The following UGGT2 variants were observed in gnomAD, a reference collection of about 807,000 sequenced individuals.
The protein encoded by UGGT2 is UDP-glucose:glycoprotein glucosyltransferase 2.
Under a neutral mutation model 192.1 loss-of-function variants are expected in UGGT2, and 180 were observed. That is an observed-to-expected ratio of 0.94 (90% CI 0.83 to 1.06). The LOEUF (loss-of-function observed/expected upper bound fraction) is 1.06, where lower values mean the gene tolerates loss of function less well. Ranked by LOEUF, UGGT2 falls within the 50% of genes least tolerant of loss-of-function variation. The pLI, the probability that UGGT2 is intolerant of heterozygous loss-of-function variation, is 0.00. For missense variants in UGGT2, 1,849 were observed against 1,795.7 expected (o/e 1.03, Z -0.54); for synonymous variants, 580 against 591.0 (o/e 0.98, Z 0.27).
At chr13:96,031,191 G>C (rs2052823479) in intron 2 of UGGT2, among the ~76,000 whole-genome samples, 1 of 152,042 alleles carries the variant, frequency 6.6e-6, no homozygotes, top group African/African-American at 2.4e-5. Flanking sequence ...GTCCAATTTT[G>C]CTATGAACTT....
rs951645998 is a variant in UGGT2, at chr13:95,999,121, A to G, written c.757+90T>C. 20 of 864,346 alleles carry G rather than the reference A, an allele frequency of 2.3e-5. No individual in the cohort carries two copies. The African/African-American group carries it at 3.2e-4, about 14-fold the overall frequency. 53.5% of individuals were successfully genotyped at this position (864,346 alleles called of 1,614,324 possible). On this transcript the variant is annotated intron_variant, in intron 6 of 38. Transcript: ENST00000376747. ...TCTCTAGCCTCAAATGAACATATGT[A>G]GGATTATACTCATTAAATTTTTAAA...
chr13:95,861,639 A>C (rs1235659877), intron 31 of UGGT2, among the ~76,000 whole-genome samples: 1 of 152,140 alleles, frequency 6.6e-6, no homozygotes, highest in Non-Finnish European at 1.5e-5. Flanking sequence ...TTCTTCCTAA[A>C]CATTTATTTC....
At chr13:96,053,106 G>C in intron 1 of UGGT2, 49 bp downstream of exon 1, 1 of 1,425,058 alleles carries the variant, frequency 7.0e-7, no homozygotes, top group Non-Finnish European at 9.1e-7. Context: ...GCGGCTGAGG[G>C]TGGCAGCGCG....
At position 95,894,571 on chromosome 13, in the gene UGGT2, TC is replaced by T. The variant is rs1190760047; in HGVS notation, c.2845del (p.Glu949ArgfsTer6). 13 of 1,609,542 alleles carry T rather than the reference TC, an allele frequency of 8.1e-6. No individual in the cohort carries two copies. The highest frequency in any genetic ancestry group is 2.7e-5 in the African/African-American group (2 of 74,710). On this transcript the variant is annotated frameshift_variant, in exon 24 of 39. Coordinates refer to ENST00000376747, the MANE Select transcript of UGGT2 (RefSeq NM_020121.4). LOFTEE classifies it high-confidence loss of function. Reference sequence around the variant, plus strand: ...ACGAATACATTCTTACCTGTGATTCTCCCTAAGAAATGTGACATCATATCGA... The same window carrying T: ...ACGAATACATTCTTACCTGTGATTCTCCTAAGAAATGTGACATCATATCGA... ...ASRYDVTFLRENHSVIKTNPQ... is the reference protein window; with the variant it reads ...ASRYDVTFLRXNHSVIKTNPQ...
At chr13:95,911,868 C>A (rs2048510114) in intron 20 of UGGT2, among the ~76,000 whole-genome samples, 1 of 152,176 alleles carries the variant, frequency 6.6e-6, no homozygotes, top group African/African-American at 2.4e-5. Context: ...TCCAGCAGCA[C>A]ATCAAAAAGC....
chr13:95,988,040 G>A (rs2051345001), intron 8 of UGGT2, among the ~76,000 whole-genome samples: 1 of 151,978 alleles, frequency 6.6e-6, no homozygotes, highest in African/African-American at 2.4e-5. Flanking sequence ...CAGTCCCTCG[G>A]GGTACTACTG....
At position 96,053,350 on chromosome 13, in the gene UGGT2, AC is replaced by A. The variant is rs1372838753; in HGVS notation, c.-39del. The A allele has an allele frequency of 3.8e-6, 6 of 1,564,826 alleles. No individual in the cohort carries two copies. Among genetic ancestry groups the A allele is most frequent in the Middle Eastern group, 3.5e-4 (2 of 5,772 alleles). ...AAAGCGCGAGTCCCTCGGACCCGGT[AC>A]CCACAGTCTGTGGCCGCCACGCTTC... is the stretch of plus-strand genomic sequence containing the variant. On this transcript the variant is annotated 5_prime_UTR_variant, in exon 1 of 39. Coordinates refer to ENST00000376747, the MANE Select transcript of UGGT2 (RefSeq NM_020121.4).
intron 17 of UGGT2, among the ~76,000 whole-genome samples, chr13:95,932,700 T>C (rs1316334807): frequency 6.6e-6 from 1 of 152,220 alleles, no homozygotes; most frequent in Non-Finnish European, 1.5e-5. Flanking sequence ...AGCTTTTCAC[T>C]GTTCAGTATG....
intron 38 of UGGT2, among the ~76,000 whole-genome samples, chr13:95,830,088 T>C (rs1886495969): frequency 6.6e-6 from 1 of 152,218 alleles, no homozygotes; most frequent in African/African-American, 2.4e-5. Context: ...TGTAGAAAGC[T>C]GAAACTGGAT....
Position 95,807,716 on chromosome 13 carries a change from C to CTTTTTTTTTTTTTTTTTTTTTTTTTTTTT in UGGT2, c.4529-5905_4529-5904insAAAAAAAAAAAAAAAAAAAAAAAAAAAAA. Among the ~76,000 whole-genome samples, 11 of 78,706 alleles carry CTTTTTTTTTTTTTTTTTTTTTTTTTTTTT rather than the reference C, an allele frequency of 1.4e-4. 2 individuals carry two copies. The highest frequency in any genetic ancestry group is 3.4e-4 in the East Asian group (1 of 2,900). 51.6% of individuals were successfully genotyped at this position (78,706 alleles called of 152,430 possible). A position where few individuals can be genotyped will look rare whatever the true frequency, so the allele number is the denominator to read the frequency against. On this transcript the variant is annotated intron_variant, in intron 38 of 38. Transcript: ENST00000376747. ...GTATCTTGAAACCCTCAGCCCTCACCTTTTTTTTTTTTTTTTTTTGCCGTA... is the reference window on the plus strand; with the variant it reads ...GTATCTTGAAACCCTCAGCCCTCACCTTTTTTTTTTTTTTTTTTTTTTTTTTTTTTTTTTTTTTTTTTTTTTTTGCCGTA...
At chr13:95,979,161 A>C (rs2051034872) in intron 10 of UGGT2, among the ~76,000 whole-genome samples, 1 of 152,170 alleles carries the variant, frequency 6.6e-6, no homozygotes, top group African/African-American at 2.4e-5. Context: ...AACAACAAAG[A>C]CGTATGTTGG....
chr13:95,901,972 T>C (rs1052595620), intron 21 of UGGT2, among the ~76,000 whole-genome samples: 2 of 152,148 alleles, frequency 1.3e-5, no homozygotes, highest in African/African-American at 4.8e-5. Flanking sequence ...TATCTCAGGG[T>C]ACTTTACTAT....
intron 28 of UGGT2, 43 bp downstream of exon 28, chr13:95,877,655 A>G: frequency 6.4e-7 from 1 of 1,573,268 alleles, no homozygotes; most frequent in Non-Finnish European, 8.6e-7. Context: ...CAGAGAATTC[A>G]CCAAAACATC....
intron 1 of UGGT2, among the ~76,000 whole-genome samples, chr13:96,037,148 G>A (rs2053028882): frequency 6.6e-6 from 1 of 152,150 alleles, no homozygotes; most frequent in African/African-American, 2.4e-5. Context: ...TAGAATAACT[G>A]CAGTTCAGAT....
chr13:95,958,638 T>C (rs2050288671), intron 12 of UGGT2, among the ~76,000 whole-genome samples: 1 of 151,092 alleles, frequency 6.6e-6, no homozygotes, highest in African/African-American at 2.4e-5. Context: ...GATGGCTGAA[T>C]AGATGTATCT....
chr13:95,948,701 T>A (rs2049961087), intron 13 of UGGT2, among the ~76,000 whole-genome samples: 1 of 152,314 alleles, frequency 6.6e-6, no homozygotes, highest in South Asian at 2.1e-4. Flanking sequence ...GAAGAAAAAG[T>A]TCTGTCATAA....
intron 11 of UGGT2, among the ~76,000 whole-genome samples, 183 bp downstream of exon 11, chr13:95,972,397 C>A (rs1466356779): frequency 6.6e-6 from 1 of 152,164 alleles, no homozygotes; most frequent in African/African-American, 2.4e-5. Context: ...ACTGTTTCTC[C>A]CAGTTCTGAT....
chr13:95,809,886 A>G (rs1465808460), intron 38 of UGGT2, among the ~76,000 whole-genome samples: 1 of 152,178 alleles, frequency 6.6e-6, no homozygotes, highest in Non-Finnish European at 1.5e-5. Flanking sequence ...TTCTTGAATT[A>G]TATTAGTCTA....
At chr13:96,016,457 T>C (rs1174654167) in intron 4 of UGGT2, among the ~76,000 whole-genome samples, 1 of 152,180 alleles carries the variant, frequency 6.6e-6, no homozygotes, top group Non-Finnish European at 1.5e-5. Flanking sequence ...GGTTGCAACT[T>C]GCATCCAGCT....
Sources: gnomAD v4.1 joint callset for allele counts (sites outside exome capture counted in the v4.1 genomes callset) on GRCh38, gnomAD v4.1.1 for gene constraint, MANE v1.5 for transcripts, NCBI Gene and HGNC (gene_info 2026-07-23, HGNC 2026-07-21) for gene names.